The following FRMD4B variants were observed in gnomAD, a reference collection of about 807,000 sequenced individuals.
FRMD4B encodes FERM domain containing 4B, also known as FERM domain-containing protein 4B.
A neutral mutation model predicts 141.5 loss-of-function variants in FRMD4B; 74 were observed. That is an observed-to-expected ratio of 0.52 (90% confidence interval 0.43 to 0.63). The LOEUF (loss-of-function observed/expected upper bound fraction) is 0.63, where lower values mean the gene tolerates loss of function less well. Ranked by LOEUF, FRMD4B falls within the 30% of genes least tolerant of loss-of-function variation. FRMD4B has a pLI of 0.00. For synonymous variants in FRMD4B, 506 were observed against 467.9 expected (o/e 1.08, Z -1.05); for missense variants, 1,366 against 1,253.4 (o/e 1.09, Z -1.36).
At chr3:69,194,931 G>A (rs547811939) in intron 16 of FRMD4B, 91 bp downstream of exon 16, 2 of 1,182,624 alleles carry the variant, frequency 1.7e-6, no homozygotes, top group South Asian at 1.4e-5. Flanking sequence ...ACATACAGCA[G>A]AGACTCAAAA....
At chr3:69,475,976 A>C (rs570069877) in intron 1 of FRMD4B, among the ~76,000 whole-genome samples, 1 of 151,422 alleles carries the variant, frequency 6.6e-6, no homozygotes, top group Non-Finnish European at 1.5e-5. Flanking sequence ...GCATTTTTTC[A>C]TATGTTTTTT....
chr3:69,247,613 A>G (rs2093433664), intron 7 of FRMD4B, among the ~76,000 whole-genome samples: 1 of 152,114 alleles, frequency 6.6e-6, no homozygotes, highest in Admixed American at 6.6e-5. Context: ...TAGCCTCCTG[A>G]GTAGCTGGGA....
intron 2 of FRMD4B, among the ~76,000 whole-genome samples, chr3:69,413,050 T>A (rs1704787284): frequency 6.6e-6 from 1 of 151,998 alleles, no homozygotes. Context: ...TTGCAGTAAT[T>A]CCATTGTCTA....
intron 1 of FRMD4B, among the ~76,000 whole-genome samples, chr3:69,349,356 C>A (rs1703055971): frequency 1.3e-5 from 2 of 152,190 alleles, no homozygotes; most frequent in Admixed American, 1.3e-4. Context: ...ATTCCATGCT[C>A]ATGGATAGGA....
At chr3:69,253,894 G>A (rs1272824906) in intron 5 of FRMD4B, among the ~76,000 whole-genome samples, 1 of 151,894 alleles carries the variant, frequency 6.6e-6, no homozygotes, top group South Asian at 2.1e-4. Flanking sequence ...TTGAGATCAC[G>A]CACCATAGCG....
At position 69,193,663 on chromosome 3, in the gene FRMD4B, C is replaced by T; in HGVS notation, c.1699G>A (p.Ala567Thr). The stretch of plus-strand genomic sequence containing the variant: ...TATTACTAACCTGGTAACACTGTTG[C>T]TTTCTGGCTGGGTTTCTTTCCACAC... ...IRCGKKPSQK[A>T]TVLPEDIIPS... The change falls in exon 17 of 23, where the codon GCA becomes ACA. Residue 567 changes from alanine to threonine, a missense_variant. Ala to Thr is a moderately conservative substitution (Grantham distance 58, BLOSUM62 0). Coordinates refer to ENST00000398540, the MANE Select transcript of FRMD4B (RefSeq NM_015123.3). 6.2e-7 allele frequency: 1 copy of T among 1,608,388 alleles called. No homozygotes were observed. The highest frequency in any genetic ancestry group is 8.5e-7 in the Non-Finnish European group (1 of 1,176,030).
chr3:69,497,550 G>A (rs963125805), intron 1 of FRMD4B, among the ~76,000 whole-genome samples: 1 of 152,078 alleles, frequency 6.6e-6, no homozygotes, highest in African/African-American at 2.4e-5. Flanking sequence ...GAACTTACGA[G>A]TCTCAATATC....
chr3:69,194,517 A>T (rs2092877476), intron 16 of FRMD4B, among the ~76,000 whole-genome samples: 3 of 152,270 alleles, frequency 2.0e-5, no homozygotes, highest in Non-Finnish European at 2.9e-5. Flanking sequence ...ATGACATGCA[A>T]ATGAGAAAGT....
intron 1 of FRMD4B, among the ~76,000 whole-genome samples, chr3:69,463,121 C>T (rs190353694): frequency 6.6e-6 from 1 of 152,338 alleles, no homozygotes; most frequent in Non-Finnish European, 1.5e-5. Flanking sequence ...CTATGTGACC[C>T]ACCCTTGCAT....
chr3:69,274,865 T>A (rs2093611028), intron 5 of FRMD4B, among the ~76,000 whole-genome samples: 1 of 152,192 alleles, frequency 6.6e-6, no homozygotes, highest in Admixed American at 6.5e-5. Flanking sequence ...ACCCATTCAA[T>A]AACGTTTTAT....
intron 1 of FRMD4B, among the ~76,000 whole-genome samples, chr3:69,498,538 T>A (rs994685564): frequency 6.6e-6 from 1 of 152,198 alleles, no homozygotes; most frequent in Non-Finnish European, 1.5e-5. Context: ...AGCTTAGAAG[T>A]ATTTTCTGGG....
intron 5 of FRMD4B, among the ~76,000 whole-genome samples, chr3:69,263,817 C>CT (rs3032130): frequency 0.3 from 20,810 of 68,594 alleles, 4,772 homozygotes; most frequent in Middle Eastern, 0.4. Flanking sequence ...AACCCCATTC[C>CT]TTTTTTTTTT....
intron 1 of FRMD4B, among the ~76,000 whole-genome samples, chr3:69,525,374 G>A (rs137861118): frequency 6.6e-6 from 1 of 152,140 alleles, no homozygotes; most frequent in Non-Finnish European, 1.5e-5. Flanking sequence ...TCTGGACCCA[G>A]ATCCCAAGGT....
intron 1 of FRMD4B, among the ~76,000 whole-genome samples, chr3:69,348,267 C>G (rs1703016182): frequency 3.3e-5 from 5 of 152,164 alleles, no homozygotes; most frequent in Admixed American, 2.6e-4. Flanking sequence ...CATACACCCT[C>G]CCAAGAATAA....
intron 1 of FRMD4B, among the ~76,000 whole-genome samples, chr3:69,336,151 A>T (rs1702544867): frequency 6.6e-6 from 1 of 152,232 alleles, no homozygotes; most frequent in Non-Finnish European, 1.5e-5. Context: ...TAAGAAAAAA[A>T]AGGCAACAAA....
At chr3:69,455,820 G>A (rs924099870) in intron 1 of FRMD4B, among the ~76,000 whole-genome samples, 1 of 151,986 alleles carries the variant, frequency 6.6e-6, no homozygotes, top group African/African-American at 2.4e-5. Context: ...CATTGTGCTG[G>A]CTCCCACTGT....
chr3:69,366,863 G>A (rs1703679648), intron 1 of FRMD4B, among the ~76,000 whole-genome samples: 1 of 151,872 alleles, frequency 6.6e-6, no homozygotes, highest in Non-Finnish European at 1.5e-5. Flanking sequence ...TCAACCTCCT[G>A]GGCTCAAGTG....
chr3:69,499,976 C>T (rs537096101), intron 1 of FRMD4B, among the ~76,000 whole-genome samples: 2 of 152,382 alleles, frequency 1.3e-5, no homozygotes, highest in South Asian at 4.1e-4. Context: ...TGTACATGCA[C>T]TGACAACATG....
intron 1 of FRMD4B, among the ~76,000 whole-genome samples, chr3:69,351,217 G>A (rs1703138801): frequency 1.3e-5 from 2 of 152,050 alleles, no homozygotes; most frequent in African/African-American, 2.4e-5. Context: ...CTGTACTCAG[G>A]CTTACTTTTC....
Sources: gnomAD v4.1 joint callset for allele counts (sites outside exome capture counted in the v4.1 genomes callset) on GRCh38, gnomAD v4.1.1 for gene constraint, MANE v1.5 for transcripts, NCBI Gene and HGNC (gene_info 2026-07-23, HGNC 2026-07-21) for gene names.